KIAA0930: variants seen among roughly 807,000 people sequenced by gnomAD.
KIAA0930 encodes uncharacterized protein KIAA0930.
Under a neutral mutation model 43.9 loss-of-function variants are expected in KIAA0930, and 24 were observed. That is an observed-to-expected ratio of 0.55 (90% CI 0.40 to 0.77). The LOEUF is 0.77. KIAA0930 is among the 30% of genes least tolerant of loss of function. The pLI, the probability that KIAA0930 is intolerant of heterozygous loss-of-function variation, is 0.00. For missense variants in KIAA0930, 461 were observed against 574.2 expected, an observed-to-expected ratio of 0.80 and a Z score of 2.02; for synonymous variants, 259 against 216.4, an observed-to-expected ratio of 1.20 and a Z score of -1.73.
intron 1 of KIAA0930, among the ~76,000 whole-genome samples, chr22:45,218,875 G>A (rs2083750166): frequency 6.6e-6 from 1 of 152,180 alleles, no homozygotes; most frequent in South Asian, 2.1e-4. Context: ...GCCACTCTGA[G>A]CCCTGAAGCA....
chr22:45,212,613 G>A, intron 1 of KIAA0930: 2 of 1,317,242 alleles, frequency 1.5e-6, no homozygotes, highest in Non-Finnish European at 2.0e-6. Context: ...GCTGCAAGCG[G>A]GAACCGCAGG....
At position 45,197,171 on chromosome 22, in the gene KIAA0930, C is replaced by T. The variant is rs375095852; in HGVS notation, c.*5G>A. 1.4e-4 allele frequency: 218 copies of T among 1,547,704 alleles called. No homozygotes were observed. The African/African-American group carries it at 2.7e-3, about 19-fold the overall frequency. On this transcript the variant is annotated 3_prime_UTR_variant, in exon 10 of 10. Coordinates refer to ENST00000336156, the MANE Select transcript of KIAA0930 (RefSeq NM_001009880.2). The stretch of plus-strand genomic sequence containing the variant: ...GCCGGGGCTCTGCGCAGGCTCCGCA[C>T]GCGGCTAGGTCATCAGGATGGGCTT...
intron 2 of KIAA0930, chr22:45,211,300 G>A (rs533991450): frequency 4.0e-5 from 16 of 398,114 alleles, no homozygotes; most frequent in South Asian, 1.3e-4. Context: ...AACATTTTAC[G>A]AACAGCAAAA....
In KIAA0930 at chr22:45,197,129, T is replaced by G; in HGVS notation, c.*47A>C. 1 of 1,497,976 alleles carries G rather than the reference T, an allele frequency of 6.7e-7. No homozygotes were observed. The highest frequency in any genetic ancestry group is 1.3e-5 in the South Asian group (1 of 78,532). 92.8% of individuals were successfully genotyped at this position (1,497,976 alleles called of 1,614,324 possible). ...TGGACAGGTAGGCACTTGGCAGCAC[T>G]CCGAGGGCTGGGCCCGGCCGGGGCT... On this transcript the variant is annotated 3_prime_UTR_variant, in exon 10 of 10. Coordinates refer to ENST00000336156, the MANE Select transcript of KIAA0930 (RefSeq NM_001009880.2).
In KIAA0930 at chr22:45,197,778, C is replaced by T. The variant is rs373150913; in HGVS notation, c.1174+12G>A. On this transcript the variant is annotated intron_variant, in intron 9 of 9. Transcript: ENST00000336156. The stretch of plus-strand genomic sequence containing the variant: ...GAAGGTGCGGCTGCTTCCCCACATC[C>T]GCCAGCATTACCTGTTAAAATCCGA... The T allele has an allele frequency of 4.3e-5, 69 of 1,613,456 alleles. No homozygotes were observed. The highest frequency in any genetic ancestry group is 5.2e-5 in the Non-Finnish European group (61 of 1,179,550).
chr22:45,220,428 A>G (rs1048208945), intron 1 of KIAA0930, among the ~76,000 whole-genome samples: 12 of 151,998 alleles, frequency 7.9e-5, no homozygotes, highest in Admixed American at 5.9e-4. Flanking sequence ...CAGCCTGGCG[A>G]CAGAGACTCA....
Position 45,197,159 on chromosome 22 carries a change from G to GCAGGCTC in KIAA0930, c.*10_*16dup, listed in dbSNP as rs1569069522. On this transcript the variant is annotated 3_prime_UTR_variant, in exon 10 of 10. Coordinates refer to ENST00000336156, the MANE Select transcript of KIAA0930 (RefSeq NM_001009880.2). ...GGGCTGGGCCCGGCCGGGGCTCTGC[G>GCAGGCTC]CAGGCTCCGCACGCGGCTAGGTCAT... The GCAGGCTC allele has an allele frequency of 1.3e-6, 2 of 1,543,430 alleles. No homozygotes were observed. Among genetic ancestry groups the GCAGGCTC allele is most frequent in the Admixed American group, 4.0e-5 (2 of 50,108 alleles).
At chr22:45,240,559 G>A in intron 1 of KIAA0930, 81 bp downstream of exon 1, 2 of 982,522 alleles carry the variant, frequency 2.0e-6, no homozygotes, top group Non-Finnish European at 3.0e-6. Flanking sequence ...TGCGCGGGGC[G>A]CACAGAAACA....
At chr22:45,220,817 G>A (rs2083763124) in intron 1 of KIAA0930, among the ~76,000 whole-genome samples, 1 of 152,190 alleles carries the variant, frequency 6.6e-6, no homozygotes, top group Non-Finnish European at 1.5e-5. Flanking sequence ...CTGGGCTCAA[G>A]CGATCCTCCC....
At position 45,215,451 on chromosome 22, in the gene KIAA0930, G is replaced by A. The variant is rs113026143; in HGVS notation, c.65-3344C>T. Among the ~76,000 whole-genome samples, 547 of 152,168 alleles carry A rather than the reference G, an allele frequency of 3.6e-3. 4 individuals are homozygous for A. The highest frequency in any genetic ancestry group is 0.013 in the African/African-American group (520 of 41,516). On this transcript the variant is annotated intron_variant, in intron 1 of 9. Transcript: ENST00000336156. ...CTGACGGCAGAGTACAAAATTAAAG[G>A]CCTTCTGCACAAAAACATTTCGTGT...
chr22:45,204,586 C>T (rs1158303394), intron 5 of KIAA0930, among the ~76,000 whole-genome samples: 1 of 152,182 alleles, frequency 6.6e-6, no homozygotes, highest in African/African-American at 2.4e-5. Context: ...ACGCCCACGC[C>T]TTCCTCCTAA....
chr22:45,203,833 C>G lies in KIAA0930; in HGVS notation c.657+12G>C. 6.2e-7 allele frequency: 1 copy of G among 1,613,296 alleles called. No individual in the cohort carries two copies. ...GCCCAGAAGAACACCCGTGAGGCCG[C>G]CCCGCACTCACCCGGTTGTCATACA... On this transcript the variant is annotated intron_variant, in intron 6 of 9. Coordinates refer to ENST00000336156, the MANE Select transcript of KIAA0930 (RefSeq NM_001009880.2).
rs368705005 is a variant in KIAA0930, at chr22:45,199,699, GC to G, written c.1015+173del. Among the ~76,000 whole-genome samples, 38 of 152,334 alleles carry G rather than the reference GC, an allele frequency of 2.5e-4. 2 individuals carry two copies. Among genetic ancestry groups the G allele is most frequent in the African/African-American group, 9.1e-4 (38 of 41,570 alleles). ...GGGACCCCCAGAGGCAGCCATTTCT[GC>G]CTGTCCCCAGCTCTACCCCTCAGCT... is the stretch of plus-strand genomic sequence containing the variant. On this transcript the variant is annotated intron_variant, in intron 8 of 9. Transcript: ENST00000336156.
At chr22:45,215,793 T>A (rs1289971551) in intron 1 of KIAA0930, among the ~76,000 whole-genome samples, 1 of 151,594 alleles carries the variant, frequency 6.6e-6, no homozygotes, top group Non-Finnish European at 1.5e-5. Context: ...GAACACAGCA[T>A]TTTTTTTTAC....
chr22:45,202,896 C>T, intron 7 of KIAA0930, 94 bp downstream of exon 7: 1 of 1,067,650 alleles, frequency 9.4e-7, no homozygotes, highest in Non-Finnish European at 1.3e-6. Context: ...GGGATGACAA[C>T]ACCTATGTCC....
chr22:45,220,927 C>T (rs953809423), intron 1 of KIAA0930, among the ~76,000 whole-genome samples: 7 of 142,938 alleles, frequency 4.9e-5, no homozygotes, highest in African/African-American at 1.8e-4. Context: ...CCACCTTGTG[C>T]TAAGCGTCCC....
chr22:45,222,660 A>G (rs993463972), intron 1 of KIAA0930, among the ~76,000 whole-genome samples: 1 of 136,516 alleles, frequency 7.3e-6, no homozygotes, highest in Non-Finnish European at 1.6e-5. Context: ...CCCCCCCACC[A>G]CCACACACAT....
chr22:45,240,074 G>A (rs752214816), intron 1 of KIAA0930, among the ~76,000 whole-genome samples: 38 of 152,100 alleles, frequency 2.5e-4, no homozygotes, highest in Admixed American at 1.3e-4. Flanking sequence ...TCAGCCAAGC[G>A]GGCGGGTTCG....
At position 45,197,822 on chromosome 22, in the gene KIAA0930, T is replaced by C; in HGVS notation, c.1142A>G (p.Tyr381Cys). 1 of 1,614,118 alleles carries C rather than the reference T, an allele frequency of 6.2e-7. No homozygotes were observed. The highest frequency in any genetic ancestry group is 8.5e-7 in the Non-Finnish European group (1 of 1,180,012). Reference protein sequence around the residue: ...GNFLLYAHLTYVTLPLHRILT... With the variant: ...GNFLLYAHLTCVTLPLHRILT... ...AATCCGATGCAGCGGCAACGTGACG[T>C]AGGTTAAGTGTGCATAGAGAAGGAA... The change falls in exon 9 of 10, where the codon TAC becomes TGC. Residue 381 changes from tyrosine to cysteine, a missense_variant. Physicochemically the swap from Tyr to Cys is radical, Grantham distance 194 (BLOSUM62 -2). Transcript: ENST00000336156.
Sources: allele counts gnomAD v4.1 joint callset (sites outside exome capture counted in the v4.1 genomes callset), GRCh38; gene constraint gnomAD v4.1.1; transcripts MANE v1.5; gene names NCBI Gene and HGNC (gene_info 2026-07-23, HGNC 2026-07-21).